Variants in MLXIP observed in about 807,000 individuals in gnomAD.
MLXIP encodes MLX-interacting protein.
In MLXIP, 30 loss-of-function variants were observed where a neutral mutation model predicts 87.2. That is an observed-to-expected ratio of 0.34 (90% CI 0.26 to 0.47). The LOEUF (loss-of-function observed/expected upper bound fraction) is 0.47, where lower values mean the gene tolerates loss of function less well. MLXIP is among the 20% of genes least tolerant of loss of function. MLXIP has a pLI of 1.00. For missense variants in MLXIP, 1,002 were observed against 1,240.1 expected, an observed-to-expected ratio of 0.81 and a Z score of 2.88; for synonymous variants, 530 against 514.0, an observed-to-expected ratio of 1.03 and a Z score of -0.42.
rs985863513 is a variant in MLXIP, at chr12:122,142,097, G to A, written c.*285G>A. On this transcript the variant is annotated 3_prime_UTR_variant, in exon 17 of 17. Transcript: ENST00000319080. ...GGGGCAGCCCACACAAAAGGGAAGT[G>A]CTGGCCGTGCTGGTCCTGCCCTGCT... The A allele has an allele frequency of 4.3e-5, 30 of 696,302 alleles. No individual in the cohort carries two copies. The highest frequency in any genetic ancestry group is 7.3e-5 in the Non-Finnish European group (28 of 382,894). 43.1% of individuals were successfully genotyped at this position (696,302 alleles called of 1,614,324 possible). A position where few individuals can be genotyped will look rare whatever the true frequency, so the allele number is the denominator to read the frequency against.
chr12:122,088,131 G>A lies in MLXIP; in HGVS notation c.413+8865G>A, dbSNP rs144742755. 7.8e-3 allele frequency among the ~76,000 whole-genome samples: 1,192 copies of A among 152,258 alleles called. 10 individuals are homozygous for A. The highest frequency in any genetic ancestry group is 0.012 in the Non-Finnish European group (785 of 67,998). ...TGTCAGTGTGGTGGACATCACAGCC[G>A]CCTACTTTGCCCTACCCAGGTGCCC... On this transcript the variant is annotated intron_variant, in intron 1 of 16. Transcript: ENST00000319080.
intron 1 of MLXIP, among the ~76,000 whole-genome samples, chr12:122,110,777 G>GA (rs920316367): frequency 1.4e-4 from 20 of 142,584 alleles, no homozygotes; most frequent in Non-Finnish European, 2.8e-4. Flanking sequence ...CTCTTCAAAA[G>GA]AAAAAAAAAT....
Position 122,110,580 on chromosome 12 carries a change from C to A in MLXIP, c.414-16676C>A, listed in dbSNP as rs553019282. Among the ~76,000 whole-genome samples the A allele has an allele frequency of 1.1e-4, 16 of 152,020 alleles. No homozygotes were observed. The South Asian group carries it at 3.3e-3, about 32-fold the overall frequency. On this transcript the variant is annotated intron_variant, in intron 1 of 16. Coordinates refer to ENST00000319080, the MANE Select transcript of MLXIP (RefSeq NM_014938.6). ...GGGATTACAGGTGTGAGCCACTGCACCTGGCCTGGGAGACGCTTATCTTTA... is the reference window on the plus strand; with the variant it reads ...GGGATTACAGGTGTGAGCCACTGCAACTGGCCTGGGAGACGCTTATCTTTA...
Position 122,081,922 on chromosome 12 carries a change from C to G in MLXIP, c.413+2656C>G, listed in dbSNP as rs141012741. On this transcript the variant is annotated intron_variant, in intron 1 of 16. Coordinates refer to ENST00000319080, the MANE Select transcript of MLXIP (RefSeq NM_014938.6). Reference sequence around the variant, plus strand: ...TAGCTGTCTAACTCTCCGTGGTACACTCTGCTTTTTGTTGTTGTTGTTTGA... The same window carrying G: ...TAGCTGTCTAACTCTCCGTGGTACAGTCTGCTTTTTGTTGTTGTTGTTTGA... 1.2e-4 allele frequency among the ~76,000 whole-genome samples: 18 copies of G among 152,336 alleles called. No homozygotes were observed. The East Asian group carries it at 3.5e-3, about 29-fold the overall frequency.
chr12:122,086,159 T>G (rs1952165482), intron 1 of MLXIP, among the ~76,000 whole-genome samples: 1 of 152,182 alleles, frequency 6.6e-6, no homozygotes, highest in Non-Finnish European at 1.5e-5. Context: ...CCCCAGAGCT[T>G]CTGGGAAGAA....
intron 1 of MLXIP, among the ~76,000 whole-genome samples, chr12:122,084,401 G>C (rs1218667068): frequency 6.6e-6 from 1 of 152,206 alleles, no homozygotes; most frequent in East Asian, 1.9e-4. Context: ...GGAGGAAGGA[G>C]AGGAAGGGGA....
At chr12:122,130,201 TCTC>T in intron 6 of MLXIP, 89 bp downstream of exon 6, 1 of 1,324,614 alleles carries the variant, frequency 7.5e-7, no homozygotes, top group South Asian at 1.4e-5. Flanking sequence ...TTCAGGGCCA[TCTC>T]TGAGCTGCTG....
intron 1 of MLXIP, among the ~76,000 whole-genome samples, chr12:122,089,077 G>A (rs1262339664): frequency 1.3e-5 from 2 of 151,926 alleles, no homozygotes; most frequent in African/African-American, 2.4e-5. Flanking sequence ...AGCTGCTGGG[G>A]AGGCTGGGGC....
Position 122,131,036 on chromosome 12 carries a change from G to A in MLXIP, c.1000+103G>A, listed in dbSNP as rs1023409660. The A allele has an allele frequency of 9.2e-6, 7 of 764,594 alleles. No individual in the cohort carries two copies. The Admixed American group carries it at 1.3e-4, about 14-fold the overall frequency. The allele number at this position is 764,594 out of a possible 1,614,324, so 47.4% of individuals were successfully genotyped here. A position where few individuals can be genotyped will look rare whatever the true frequency, so the allele number is the denominator to read the frequency against. ...TAAGAGGCGAGACTTGGTAGAATGG[G>A]CAAGGGGGCGAGCAAAGAATTTTTT... On this transcript the variant is annotated intron_variant, in intron 7 of 16. Transcript: ENST00000319080.
At chr12:122,094,689 TGTG>T (rs1389048058) in intron 1 of MLXIP, among the ~76,000 whole-genome samples, 1 of 138,546 alleles carries the variant, frequency 7.2e-6, no homozygotes, top group East Asian at 2.3e-4. Context: ...CGATGTCTGT[TGTG>T]TGTTGTGTGT....
chr12:122,094,561 AGTG>A, intron 1 of MLXIP, among the ~76,000 whole-genome samples: 1 of 85,178 alleles, frequency 1.2e-5, no homozygotes, highest in South Asian at 3.9e-4. Context: ...GTGTGTTTGC[AGTG>A]TGTGTTGGTG....
At chr12:122,132,419 T>A in intron 8 of MLXIP, 36 bp downstream of exon 8, 2 of 1,524,746 alleles carry the variant, frequency 1.3e-6, no homozygotes, top group African/African-American at 1.4e-5. Context: ...GGGAAGGGGC[T>A]GGCAGGCACA....
At chr12:122,129,841 G>A (rs1407358463) in intron 5 of MLXIP, 100 bp from the exon 6 acceptor site, 3 of 1,466,944 alleles carry the variant, frequency 2.0e-6, no homozygotes, top group Non-Finnish European at 1.9e-6. Context: ...CACTTCCACT[G>A]AGCACCCCTT....
At position 122,137,310 on chromosome 12, in the gene MLXIP, T is replaced by C; in HGVS notation, c.2033-159T>C. On this transcript the variant is annotated intron_variant, in intron 11 of 16. Coordinates refer to ENST00000319080, the MANE Select transcript of MLXIP (RefSeq NM_014938.6). The surrounding 1 kb of genome is among the most constrained non-coding windows in gnomAD (Gnocchi z 4.1). ...TAATTTAAGATTTTCAGGGAGTGAA[T>C]AAGAATAATCTAAGGAAGCATGTGT... 5 of 683,526 alleles carry C rather than the reference T, an allele frequency of 7.3e-6. No homozygotes were observed. The highest frequency in any genetic ancestry group is 1.1e-5 in the Non-Finnish European group (5 of 443,088). The allele number at this position is 683,526 out of a possible 1,614,324, so 42.3% of individuals were successfully genotyped here.
chr12:122,141,727 C>T lies in MLXIP; in HGVS notation c.2675C>T (p.Thr892Ile). 1.2e-6 allele frequency: 2 copies of T among 1,613,906 alleles called. No individual in the cohort carries two copies. Among genetic ancestry groups the T allele is most frequent in the Non-Finnish European group, 1.7e-6 (2 of 1,179,880 alleles). ...ACGCTGCGGCAGCTGAGCACCTCCA[C>T]CTCCATCCTCACAGACCCGGCACAG... ...LSTLRQLSTS[T>I]SILTDPAQLP... is the part of the protein sequence containing the mutation. The change falls in exon 17 of 17, where the codon ACC becomes ATC. Residue 892 changes from threonine to isoleucine, a missense_variant. Transcript: ENST00000319080.
At chr12:122,126,534 T>C (rs1471056716) in intron 1 of MLXIP, among the ~76,000 whole-genome samples, 1 of 152,074 alleles carries the variant, frequency 6.6e-6, no homozygotes, top group East Asian at 1.9e-4. Flanking sequence ...GGAGGCAGAA[T>C]AGGCCCTGCC....
Position 122,133,997 on chromosome 12 carries a change from G to C in MLXIP, c.1732+10G>C. On this transcript the variant is annotated intron_variant, in intron 9 of 16. Coordinates refer to ENST00000319080, the MANE Select transcript of MLXIP (RefSeq NM_014938.6). This position sits in a 1 kb window ranked among gnomAD's most constrained non-coding sequence, Gnocchi z 4.9. ...GCCCGTATCGCCCCAGGTGAGCCAG[G>C]CGGGGAGACTCAGTGCGGGGCTCCC... The C allele has an allele frequency of 6.3e-7, 1 of 1,589,658 alleles. No homozygotes were observed. Among genetic ancestry groups the C allele is most frequent in the Non-Finnish European group, 8.6e-7 (1 of 1,167,080 alleles).
intron 1 of MLXIP, among the ~76,000 whole-genome samples, chr12:122,118,976 C>T (rs1171610032): frequency 6.6e-6 from 1 of 152,054 alleles, no homozygotes; most frequent in African/African-American, 2.4e-5. Flanking sequence ...ACCATCCTGG[C>T]TAACATGGTG....
intron 1 of MLXIP, among the ~76,000 whole-genome samples, chr12:122,112,210 A>G (rs1001166870): frequency 6.6e-6 from 1 of 152,200 alleles, no homozygotes; most frequent in African/African-American, 2.4e-5. Context: ...ATGTTCAGAG[A>G]AGTGTCGTAA....
Sources: allele counts gnomAD v4.1 joint callset (sites outside exome capture counted in the v4.1 genomes callset), GRCh38; gene constraint gnomAD v4.1.1; non-coding constraint Gnocchi (gnomAD v3.1); transcripts MANE v1.5; gene names NCBI Gene and HGNC (gene_info 2026-07-23, HGNC 2026-07-21).